Variants in ADGRL3 observed in about 807,000 individuals in gnomAD.
The protein encoded by ADGRL3 is adhesion G protein-coupled receptor L3.
ADGRL3 carries 62 observed loss-of-function variants against 153.5 expected under a neutral mutation model. The ratio of observed to expected loss-of-function variants is 0.40; its 90% CI spans 0.33 to 0.50. The LOEUF is 0.50. Among genes scored for constraint, ADGRL3 ranks in the 20% least tolerant of loss-of-function variants. The probability of loss-of-function intolerance (pLI) is 0.47; values close to 1 mark genes in which losing one functional copy is unlikely to be tolerated. For synonymous variants in ADGRL3, 710 were observed against 672.5 expected (o/e 1.06, Z -0.86); for missense variants, 1,641 against 1,859.4 (o/e 0.88, Z 2.16).
chr4:61,948,027 T>C, intron 16 of ADGRL3, 73 bp from the exon 17 acceptor site: 2 of 1,272,060 alleles, frequency 1.6e-6, no homozygotes, highest in Non-Finnish European at 2.2e-6. Flanking sequence ...GTATTATATG[T>C]AAAGAAAATG....
At chr4:61,766,787 T>C (rs1385313485) in intron 8 of ADGRL3, among the ~76,000 whole-genome samples, 1 of 151,570 alleles carries the variant, frequency 6.6e-6, no homozygotes, top group African/African-American at 2.4e-5. Context: ...ATGTTTGAGA[T>C]CTAGAACAGA....
At chr4:62,047,241 C>A (rs1560550190) in intron 25 of ADGRL3, among the ~76,000 whole-genome samples, 1 of 151,432 alleles carries the variant, frequency 6.6e-6, no homozygotes, top group Non-Finnish European at 1.5e-5. Context: ...TAGTTCTGAC[C>A]CTTGAAAATG....
At chr4:61,635,106 C>G (rs1186837806) in intron 5 of ADGRL3, among the ~76,000 whole-genome samples, 1 of 152,102 alleles carries the variant, frequency 6.6e-6, no homozygotes. Context: ...GGGCCTTACA[C>G]TGAGCAAGTG....
At chr4:61,646,048 G>A (rs1486406688) in intron 5 of ADGRL3, among the ~76,000 whole-genome samples, 9 of 151,776 alleles carry the variant, frequency 5.9e-5, no homozygotes, top group South Asian at 2.1e-4. Context: ...ATCTTCCATC[G>A]CTGATACCCT....
At chr4:61,955,847 C>G (rs2098964101) in intron 17 of ADGRL3, among the ~76,000 whole-genome samples, 1 of 152,098 alleles carries the variant, frequency 6.6e-6, no homozygotes, top group Admixed American at 6.6e-5. Flanking sequence ...TCATCCATGT[C>G]CCTGCAAAGG....
chr4:61,905,886 C>T (rs983134005), intron 11 of ADGRL3, among the ~76,000 whole-genome samples: 16 of 148,424 alleles, frequency 1.1e-4, no homozygotes, highest in Non-Finnish European at 2.1e-4. Context: ...CAGAGGAAGA[C>T]TCTGTCTCAA....
chr4:61,405,648 G>C (rs925680348), intron 2 of ADGRL3, among the ~76,000 whole-genome samples: 2 of 151,566 alleles, frequency 1.3e-5, no homozygotes, highest in Non-Finnish European at 2.9e-5. Flanking sequence ...CAGACTATGA[G>C]ATACAGTATT....
intron 9 of ADGRL3, among the ~76,000 whole-genome samples, chr4:61,849,586 C>T (rs560451193): frequency 4.6e-5 from 7 of 152,146 alleles, no homozygotes; most frequent in Non-Finnish European, 1.0e-4. Context: ...ATTAAACATC[C>T]TTCTCTGCAG....
intron 2 of ADGRL3, among the ~76,000 whole-genome samples, chr4:61,432,619 T>A (rs1255481175): frequency 1.2e-5 from 1 of 80,768 alleles, no homozygotes. Flanking sequence ...TCTTTCTTTC[T>A]TTCTTTCTTT....
chr4:62,020,309 A>C (rs1459015363), intron 21 of ADGRL3, among the ~76,000 whole-genome samples: 2 of 152,132 alleles, frequency 1.3e-5, no homozygotes, highest in African/African-American at 4.8e-5. Context: ...GGAAAAAAGA[A>C]ATCCTGAGAG....
intron 2 of ADGRL3, among the ~76,000 whole-genome samples, chr4:61,415,781 C>A (rs937745053): frequency 6.6e-6 from 1 of 151,658 alleles, no homozygotes; most frequent in Non-Finnish European, 1.5e-5. Context: ...TTCAATATAG[C>A]ATATATTGTC....
intron 8 of ADGRL3, among the ~76,000 whole-genome samples, chr4:61,758,671 C>A (rs2096869939): frequency 6.6e-6 from 1 of 152,098 alleles, no homozygotes; most frequent in South Asian, 2.1e-4. Flanking sequence ...AGCATTTAGC[C>A]CATTTACATT....
intron 8 of ADGRL3, among the ~76,000 whole-genome samples, chr4:61,767,797 C>A (rs1479050202): frequency 6.6e-6 from 1 of 152,100 alleles, no homozygotes; most frequent in South Asian, 2.1e-4. Context: ...CTGGCTGCTA[C>A]AGTTCAGGCG....
chr4:61,339,083 A>G (rs551182306), intron 1 of ADGRL3, among the ~76,000 whole-genome samples: 4 of 152,292 alleles, frequency 2.6e-5, no homozygotes, highest in Admixed American at 6.5e-5. Context: ...TTTAAGTGCT[A>G]TAGAGTCAGA....
chr4:61,266,440 C>CT (rs886997794), intron 1 of ADGRL3, among the ~76,000 whole-genome samples: 1 of 151,896 alleles, frequency 6.6e-6, no homozygotes, highest in South Asian at 2.1e-4. Flanking sequence ...GTTCTAGACT[C>CT]TAAGAACATG....
Position 61,498,757 on chromosome 4 carries a change from T to A in ADGRL3, c.55+1409T>A, listed in dbSNP as rs550582019. ...TGCAAATTTTATAAAATATATCACA[T>A]TATTTAATATATAAGCGAGACATTT... On this transcript the variant is annotated intron_variant, in intron 3 of 26. Transcript: ENST00000683033. 7.2e-5 allele frequency among the ~76,000 whole-genome samples: 11 copies of A among 152,250 alleles called. No individual in the cohort carries two copies. In the Middle Eastern group the frequency reaches 0.01, roughly 141 times the overall value.
intron 9 of ADGRL3, among the ~76,000 whole-genome samples, chr4:61,851,670 C>T (rs763117010): frequency 6.7e-6 from 1 of 150,266 alleles, no homozygotes; most frequent in Non-Finnish European, 1.5e-5. Context: ...CAATTACTGA[C>T]GAACAACTTT....
intron 8 of ADGRL3, among the ~76,000 whole-genome samples, chr4:61,803,428 T>C (rs2148461576): frequency 6.6e-6 from 1 of 152,248 alleles, no homozygotes; most frequent in East Asian, 1.9e-4. Context: ...TTCTGAATAT[T>C]TAATCTTGGA....
intron 2 of ADGRL3, among the ~76,000 whole-genome samples, chr4:61,388,420 G>T (rs1260414181): frequency 1.3e-5 from 2 of 152,150 alleles, no homozygotes; most frequent in Admixed American, 6.5e-5. Flanking sequence ...AACACACAGG[G>T]TGAAACCAAA....
Sources: gnomAD v4.1 joint callset for allele counts (sites outside exome capture counted in the v4.1 genomes callset) on GRCh38, gnomAD v4.1.1 for gene constraint, MANE v1.5 for transcripts, NCBI Gene and HGNC (gene_info 2026-07-23, HGNC 2026-07-21) for gene names.